TENM2: variants seen among roughly 807,000 people sequenced by gnomAD.
TENM2 encodes teneurin transmembrane protein 2, also known as teneurin-2.
Under a neutral mutation model 245.2 loss-of-function variants are expected in TENM2, and 52 were observed. The observed-to-expected ratio is 0.21, with a 90% confidence interval of 0.17 to 0.27. The LOEUF (loss-of-function observed/expected upper bound fraction) is 0.27. Ranked by LOEUF, TENM2 falls within the 10% of genes least tolerant of loss-of-function variation. The pLI is 1.00. For missense variants in TENM2, 3,046 were observed against 3,666.8 expected, an observed-to-expected ratio of 0.83 and a Z score of 4.37; for synonymous variants, 1,363 against 1,438.9, an observed-to-expected ratio of 0.95 and a Z score of 1.19.
intron 2 of TENM2, among the ~76,000 whole-genome samples, chr5:167,762,553 T>G (rs1347536466): frequency 6.6e-6 from 1 of 152,166 alleles, no homozygotes; most frequent in Admixed American, 6.5e-5. Flanking sequence ...CAGTTGGCAA[T>G]GGTGAGGTTA....
intron 2 of TENM2, chr5:167,728,632 T>TGAAC (rs1056317449): frequency 4.6e-5 from 7 of 152,128 alleles, no homozygotes; most frequent in Admixed American, 1.3e-4. Context: ...AATGAATGAA[T>TGAAC]GAATGAATGA....
exon 27 of TENM2, chr5:168,246,760 A>C (rs373664564): frequency 1.3e-5 from 21 of 1,613,244 alleles, no homozygotes; most frequent in Non-Finnish European, 1.5e-5. Context: ...TCTGCAGTCC[A>C]TGGTCCTCCT....
At chr5:167,872,296 TAGA>T (rs1262776844) in intron 2 of TENM2, among the ~76,000 whole-genome samples, 2 of 104,528 alleles carry the variant, frequency 1.9e-5, no homozygotes, top group Non-Finnish European at 3.6e-5. Flanking sequence ...AAGAGAAAGA[TAGA>T]AAGAAAGAAA....
intron 4 of TENM2, among the ~76,000 whole-genome samples, chr5:167,977,187 G>T (rs544977923): frequency 1.4e-4 from 22 of 152,254 alleles, no homozygotes; most frequent in African/African-American, 5.1e-4. Context: ...GAGGGTGGGA[G>T]AAGAGAGAGG....
intron 1 of TENM2, among the ~76,000 whole-genome samples, chr5:167,345,039 A>G (rs576444348): frequency 7.9e-4 from 121 of 152,320 alleles, no homozygotes; most frequent in Middle Eastern, 3.4e-3. Flanking sequence ...GCATCTTCCT[A>G]TTGCGTTGCT....
intron 2 of TENM2, among the ~76,000 whole-genome samples, chr5:167,800,798 A>G (rs6861976): frequency 0.38 from 57,863 of 151,718 alleles, 12,999 homozygotes; most frequent in African/African-American, 0.62. Context: ...CTTTGTCTGG[A>G]TGTCCCTTCA....
chr5:167,971,755 G>A (rs371921934), intron 4 of TENM2, among the ~76,000 whole-genome samples: 5 of 152,068 alleles, frequency 3.3e-5, no homozygotes, highest in East Asian at 3.9e-4. Context: ...AAAAAACCCT[G>A]AGCCCTGATC....
intron 2 of TENM2, among the ~76,000 whole-genome samples, chr5:167,431,914 G>GATAT (rs140335875): frequency 2.0e-5 from 2 of 100,110 alleles, no homozygotes; most frequent in African/African-American, 1.0e-4. Context: ...TCCAAGGTGT[G>GATAT]ATATATATAT....
intron 2 of TENM2, among the ~76,000 whole-genome samples, chr5:167,642,557 A>C (rs182769061): frequency 2.2e-4 from 33 of 152,270 alleles, no homozygotes; most frequent in Admixed American, 1.2e-3. Flanking sequence ...ATGCGCACTA[A>C]ACTGAATCTA....
chr5:167,319,312 G>T (rs1187772001), intron 1 of TENM2, among the ~76,000 whole-genome samples: 1 of 151,896 alleles, frequency 6.6e-6, no homozygotes, highest in Non-Finnish European at 1.5e-5. Context: ...TTTCGTTTTT[G>T]TTTTTTTCTT....
intron 27 of TENM2, among the ~76,000 whole-genome samples, chr5:168,250,646 G>A (rs148688061): frequency 5.9e-5 from 9 of 152,212 alleles, no homozygotes; most frequent in African/African-American, 9.6e-5. Flanking sequence ...TTTGGAAGTC[G>A]AACCCAGAAT....
intron 5 of TENM2, among the ~76,000 whole-genome samples, chr5:168,039,181 T>C (rs772517720): frequency 1.8e-4 from 27 of 152,314 alleles, no homozygotes; most frequent in South Asian, 1.5e-3. Flanking sequence ...CATCTTATCC[T>C]CTAAAACATT....
At chr5:167,677,012 A>T (rs1214432839) in intron 2 of TENM2, among the ~76,000 whole-genome samples, 1 of 152,122 alleles carries the variant, frequency 6.6e-6, no homozygotes, top group Non-Finnish European at 1.5e-5. Context: ...CAATAAGGGC[A>T]CAAGGTGGTC....
chr5:167,225,885 G>A, the TENM2 span, among the ~76,000 whole-genome samples: 4 of 151,650 alleles, frequency 2.6e-5, no homozygotes, highest in Admixed American at 6.6e-5. Context: ...TTCCTGATTC[G>A]AACTTGGTAG....
At chr5:167,402,104 A>C (rs987671481) in intron 2 of TENM2, among the ~76,000 whole-genome samples, 1 of 152,160 alleles carries the variant, frequency 6.6e-6, no homozygotes, top group Non-Finnish European at 1.5e-5. Context: ...TTTTGAATTG[A>C]GACAGACCTG....
chr5:168,203,192 A>G (rs973662999), intron 17 of TENM2, among the ~76,000 whole-genome samples: 6 of 152,226 alleles, frequency 3.9e-5, no homozygotes, highest in African/African-American at 1.4e-4. Flanking sequence ...TGAACACACC[A>G]AGTGTCTTAA....
chr5:167,492,765 A>T (rs953428745), intron 2 of TENM2, among the ~76,000 whole-genome samples: 1 of 152,198 alleles, frequency 6.6e-6, no homozygotes, highest in South Asian at 2.1e-4. Context: ...AATGTGAGGA[A>T]GAGGTTACAT....
At chr5:167,133,797 T>C in the TENM2 span, among the ~76,000 whole-genome samples, 2 of 151,822 alleles carry the variant, frequency 1.3e-5, no homozygotes, top group South Asian at 2.1e-4. Flanking sequence ...CCAGTGGAAG[T>C]TGTGCTCTTA....
At chr5:167,825,766 T>C (rs1265357076) in intron 2 of TENM2, among the ~76,000 whole-genome samples, 2 of 151,940 alleles carry the variant, frequency 1.3e-5, no homozygotes, top group Non-Finnish European at 2.9e-5. Flanking sequence ...GGGCATTTAA[T>C]ATTTGTTGAA....
Sources: gnomAD v4.1 joint callset for allele counts (sites outside exome capture counted in the v4.1 genomes callset) on GRCh38, gnomAD v4.1.1 for gene constraint, MANE v1.5 for transcripts, NCBI Gene and HGNC (gene_info 2026-07-23, HGNC 2026-07-21) for gene names.